Variants in PCDHA8 observed in about 807,000 individuals in gnomAD.
The protein encoded by PCDHA8 is protocadherin alpha-8.
PCDHA8 carries 53 observed loss-of-function variants against 61.8 expected under a neutral mutation model. That is an observed-to-expected ratio of 0.86 (90% CI 0.69 to 1.08). PCDHA8 has a LOEUF of 1.08. Among genes scored for constraint, PCDHA8 ranks in the 50% least tolerant of loss-of-function variants. The pLI is 0.00. For missense variants in PCDHA8, 1,293 were observed against 1,245.0 expected (o/e 1.04, Z -0.58); for synonymous variants, 618 against 556.6 (o/e 1.11, Z -1.55).
Position 140,858,605 on chromosome 5 carries a change from T to A in PCDHA8, c.2394+14890T>A, listed in dbSNP as rs553423419. On this transcript the variant is annotated intron_variant, in intron 1 of 3. Coordinates refer to ENST00000531613, the MANE Select transcript of PCDHA8 (RefSeq NM_018911.3). ...ATAATTTATTCCAGGAGTTTTAAAA[T>A]TTTTTTATCCTACCCAGTGTGTCAG... 1.7e-5 allele frequency: 21 copies of A among 1,265,750 alleles called. 2 individuals are homozygous for A. Among genetic ancestry groups the A allele is most frequent in the African/African-American group, 1.5e-4 (10 of 66,840 alleles). 78.4% of individuals were successfully genotyped at this position (1,265,750 alleles called of 1,614,324 possible).
Position 140,848,296 on chromosome 5 carries a change from G to T in PCDHA8, c.2394+4581G>T, listed in dbSNP as rs181978789. 1.7e-5 allele frequency: 11 copies of T among 652,922 alleles called. No individual in the cohort carries two copies. The East Asian group carries it at 2.5e-4, about 15-fold the overall frequency. 40.4% of individuals were successfully genotyped at this position (652,922 alleles called of 1,614,324 possible). ...AATATGTACTTACACTTTGGGCCACGTGATGTCACTCTTTGCCGCGATGTT... is the reference window on the plus strand; with the variant it reads ...AATATGTACTTACACTTTGGGCCACTTGATGTCACTCTTTGCCGCGATGTT... On this transcript the variant is annotated intron_variant, in intron 1 of 3. Coordinates refer to ENST00000531613, the MANE Select transcript of PCDHA8 (RefSeq NM_018911.3).
intron 1 of PCDHA8, among the ~76,000 whole-genome samples, chr5:140,908,003 C>G (rs1325602233): frequency 1.3e-5 from 2 of 152,164 alleles, no homozygotes; most frequent in Non-Finnish European, 2.9e-5. Context: ...ACCATCCAGC[C>G]AAACCACTGG....
intron 1 of PCDHA8, chr5:140,969,314 G>T (rs200006206): frequency 6.2e-7 from 1 of 1,614,150 alleles, no homozygotes; most frequent in African/African-American, 1.3e-5. Context: ...CAAAAATGAG[G>T]CTGTTTCTCA....
At chr5:140,876,760 G>A (rs2056562687) in intron 1 of PCDHA8, 4 of 1,614,234 alleles carry the variant, frequency 2.5e-6, no homozygotes, top group South Asian at 2.2e-5. Flanking sequence ...TGCGCGGGAT[G>A]GGGGCTCGCC....
In PCDHA8 at chr5:140,855,913, A is replaced by G. The variant is rs560286204; in HGVS notation, c.2394+12198A>G. 287 of 1,174,758 alleles carry G rather than the reference A, an allele frequency of 2.4e-4. 22 individuals carry two copies. Among genetic ancestry groups the G allele is most frequent in the Admixed American group, 2.2e-3 (83 of 38,140 alleles). 72.8% of individuals were successfully genotyped at this position (1,174,758 alleles called of 1,614,324 possible). ...AAAGGCATCAGCCAGTTTCTCAAGG[A>G]CTAGGAAGTAGCGTCATTCTGAGAT... On this transcript the variant is annotated intron_variant, in intron 1 of 3. Transcript: ENST00000531613.
intron 1 of PCDHA8, chr5:140,850,555 C>A (rs1562471328): frequency 6.3e-7 from 1 of 1,598,250 alleles, no homozygotes; most frequent in Non-Finnish European, 8.6e-7. Flanking sequence ...GTGGGTGCCA[C>A]GGGCCCCGAG....
intron 1 of PCDHA8, chr5:140,882,209 A>G (rs781846726): frequency 5.2e-6 from 8 of 1,531,724 alleles, no homozygotes; most frequent in Non-Finnish European, 7.0e-6. Context: ...GCCTTGAGAG[A>G]CAGTTTGAGG....
intron 2 of PCDHA8, chr5:140,982,212 C>A: frequency 2.1e-6 from 1 of 479,448 alleles, no homozygotes; most frequent in Non-Finnish European, 3.3e-6. Flanking sequence ...GTGAGCGCCA[C>A]ATGGCGTTAA....
chr5:140,970,927 G>A (rs1481513155), intron 1 of PCDHA8, among the ~76,000 whole-genome samples: 2 of 152,150 alleles, frequency 1.3e-5, no homozygotes, highest in African/African-American at 4.8e-5. Flanking sequence ...GAAGTGCCTG[G>A]TGTTAGTCAA....
chr5:140,870,391 G>A lies in PCDHA8; in HGVS notation c.2394+26676G>A. 1.9e-6 allele frequency: 3 copies of A among 1,614,230 alleles called. No homozygotes were observed. Among genetic ancestry groups the A allele is most frequent in the East Asian group, 2.2e-5 (1 of 44,872 alleles). The stretch of plus-strand genomic sequence containing the variant: ...ACTGGTGGTGACTGCGCGGGATGGG[G>A]GTTCGCCTTCTCTGTGGGCCACGGC... On this transcript the variant is annotated intron_variant, in intron 1 of 3. Transcript: ENST00000531613.
intron 1 of PCDHA8, among the ~76,000 whole-genome samples, chr5:140,957,264 A>G (rs1554222901): frequency 1.3e-5 from 2 of 152,198 alleles, no homozygotes; most frequent in African/African-American, 2.4e-5. Flanking sequence ...ATATGTAAGC[A>G]CTAGTCCCCC....
rs2066634766 is a variant in PCDHA8, at chr5:140,898,278, G to A, written c.2394+54563G>A. The stretch of plus-strand genomic sequence containing the variant: ...AAGTCCTTGCCCATGCCTAAGTTCT[G>A]AATGGTAATGCCTAGGTTTTCTTCT... On this transcript the variant is annotated intron_variant, in intron 1 of 3. Transcript: ENST00000531613. Among the ~76,000 whole-genome samples, 8 of 152,194 alleles carry A rather than the reference G, an allele frequency of 5.3e-5. No individual in the cohort carries two copies. The South Asian group carries it at 1.7e-3, about 31-fold the overall frequency.
Position 140,870,153 on chromosome 5 carries a change from C to T in PCDHA8, c.2394+26438C>T, listed in dbSNP as rs537593818. 3.1e-6 allele frequency: 5 copies of T among 1,613,972 alleles called. No individual in the cohort carries two copies. The East Asian group carries it at 8.9e-5, about 29-fold the overall frequency. On this transcript the variant is annotated intron_variant, in intron 1 of 3. Transcript: ENST00000531613. ...CCAACGATAACTCTCCTGAAGTCGC[C>T]GTGACTTCCTTGTCCCTCCCAGTAC...
At chr5:140,941,211 C>CTT (rs59928198) in intron 1 of PCDHA8, among the ~76,000 whole-genome samples, 19 of 129,722 alleles carry the variant, frequency 1.5e-4, no homozygotes, top group African/African-American at 5.2e-4. Flanking sequence ...TCCTTTCTTT[C>CTT]TTCCTTTCTT....
intron 1 of PCDHA8, chr5:140,864,637 A>G (rs1554159030): frequency 6.6e-6 from 1 of 152,220 alleles, no homozygotes; most frequent in East Asian, 1.9e-4. Flanking sequence ...AAACAAAACA[A>G]AACAATGTCA....
At chr5:140,851,412 A>G in intron 1 of PCDHA8, 2 of 962,264 alleles carry the variant, frequency 2.1e-6, no homozygotes, top group East Asian at 1.1e-4. Context: ...TAAGAAAGAA[A>G]CTTCCCCTAA....
At chr5:140,924,902 A>AAAAAAT (rs1554202311) in intron 1 of PCDHA8, among the ~76,000 whole-genome samples, 400 of 39,066 alleles carry the variant, frequency 0.01, 1 homozygote, top group Middle Eastern at 0.023. Flanking sequence ...CTCAAAAAAA[A>AAAAAAT]AAATAAAATA....
chr5:140,852,228 A>G, intron 1 of PCDHA8: 1 of 612,592 alleles, frequency 1.6e-6, no homozygotes, highest in Non-Finnish European at 2.1e-6. Context: ...TAATTTTTAA[A>G]TTTTCCCTTA....
Position 140,893,828 on chromosome 5 carries a change from C to T in PCDHA8, c.2394+50113C>T, listed in dbSNP as rs144587014. Among the ~76,000 whole-genome samples the T allele has an allele frequency of 1.9e-3, 290 of 152,282 alleles. 1 individual carries two copies. Among genetic ancestry groups the T allele is most frequent in the African/African-American group, 6.6e-3 (275 of 41,556 alleles). ...CTTGAGTCTGGTACCGTAGACTACT[C>T]AGCCATCCTGATGCCCTACCTCTTG... On this transcript the variant is annotated intron_variant, in intron 1 of 3. Coordinates refer to ENST00000531613, the MANE Select transcript of PCDHA8 (RefSeq NM_018911.3).
Sources: allele counts gnomAD v4.1 joint callset (sites outside exome capture counted in the v4.1 genomes callset), GRCh38; gene constraint gnomAD v4.1.1; transcripts MANE v1.5; gene names NCBI Gene and HGNC (gene_info 2026-07-23, HGNC 2026-07-21).